MAGI2: variants seen among roughly 807,000 people sequenced by gnomAD.
MAGI2 encodes membrane associated guanylate kinase, WW and PDZ domain containing 2.
Under a neutral mutation model 133.3 loss-of-function variants are expected in MAGI2, and 35 were observed. The ratio of observed to expected loss-of-function variants is 0.26; its 90% CI spans 0.20 to 0.35. The LOEUF is 0.35. Among genes scored for constraint, MAGI2 ranks in the 10% least tolerant of loss-of-function variants. The probability of loss-of-function intolerance (pLI) is 1.00; values close to 1 mark genes in which losing one functional copy is unlikely to be tolerated. For synonymous variants in MAGI2, 729 were observed against 710.6 expected (o/e 1.03, Z -0.41); for missense variants, 1,636 against 1,863.4 (o/e 0.88, Z 2.25).
intron 20 of MAGI2, among the ~76,000 whole-genome samples, chr7:78,098,191 T>C (rs1468637241): frequency 6.6e-6 from 1 of 152,190 alleles, no homozygotes; most frequent in Admixed American, 6.5e-5. Flanking sequence ...CCTTGCATGC[T>C]TTCTGACTTT....
In MAGI2 at chr7:78,845,963, T is replaced by A. The variant is rs554150812; in HGVS notation, c.418+161127A>T. Among the ~76,000 whole-genome samples, 3 of 152,092 alleles carry A rather than the reference T, an allele frequency of 2.0e-5. No individual in the cohort carries two copies. The East Asian group carries it at 5.8e-4, about 29-fold the overall frequency. ...CAACAAAATGTGGCAAAGATACTTC[T>A]GGAAATTTTCAGGTAAAACCGTTGG... On this transcript the variant is annotated intron_variant, in intron 2 of 21. Coordinates refer to ENST00000354212, the MANE Select transcript of MAGI2 (RefSeq NM_012301.4).
chr7:79,314,128 C>T (rs1838519900), intron 1 of MAGI2, among the ~76,000 whole-genome samples: 1 of 152,184 alleles, frequency 6.6e-6, no homozygotes, highest in Admixed American at 6.6e-5. Context: ...TGCCCACCAC[C>T]ATGCCCAGCT....
chr7:78,245,137 A>G (rs1326679456), intron 10 of MAGI2, among the ~76,000 whole-genome samples: 1 of 152,260 alleles, frequency 6.6e-6, no homozygotes, highest in Non-Finnish European at 1.5e-5. Flanking sequence ...ATACAACACC[A>G]TGAAATGAAC....
intron 1 of MAGI2, among the ~76,000 whole-genome samples, chr7:79,026,804 G>A (rs1053424391): frequency 2.0e-5 from 3 of 151,912 alleles, no homozygotes; most frequent in Non-Finnish European, 4.4e-5. Flanking sequence ...GCCCCGAGAG[G>A]CGGAGGTTGC....
At chr7:78,320,973 C>A (rs542722195) in intron 9 of MAGI2, among the ~76,000 whole-genome samples, 1 of 152,050 alleles carries the variant, frequency 6.6e-6, no homozygotes, top group Non-Finnish European at 1.5e-5. Flanking sequence ...TTCCTATACA[C>A]CAATAACAAA....
intron 21 of MAGI2, among the ~76,000 whole-genome samples, chr7:78,038,679 G>T (rs1348798623): frequency 6.6e-6 from 1 of 152,210 alleles, no homozygotes; most frequent in Non-Finnish European, 1.5e-5. Flanking sequence ...TCACAATTTA[G>T]CCTGTGAGTT....
At chr7:79,429,177 T>G (rs1260673888) in intron 1 of MAGI2, among the ~76,000 whole-genome samples, 2 of 152,188 alleles carry the variant, frequency 1.3e-5, no homozygotes, top group Non-Finnish European at 2.9e-5. Flanking sequence ...CAGAACAGCT[T>G]TTGATCTTTT....
intron 2 of MAGI2, among the ~76,000 whole-genome samples, chr7:78,698,761 G>A (rs1212650132): frequency 6.6e-6 from 1 of 152,090 alleles, no homozygotes; most frequent in Non-Finnish European, 1.5e-5. Context: ...GTGGCAGTGC[G>A]AGAGAGAAGT....
intron 6 of MAGI2, among the ~76,000 whole-genome samples, chr7:78,402,346 CCACCTGGGGCGTATG>C (rs1230819884): frequency 0.03 from 1,301 of 43,078 alleles, 9 homozygotes; most frequent in Admixed American, 0.045. Flanking sequence ...GTGTGTGTGT[CCACCTGGGGCGTATG>C]TGTGTATCCA....
At chr7:78,699,792 T>C (rs1034257063) in intron 2 of MAGI2, among the ~76,000 whole-genome samples, 1 of 152,158 alleles carries the variant, frequency 6.6e-6, no homozygotes, top group Admixed American at 6.5e-5. Flanking sequence ...GTCTTTAGTT[T>C]GAAAGTCAAA....
At chr7:78,912,821 A>T (rs1208126414) in intron 2 of MAGI2, among the ~76,000 whole-genome samples, 22 of 122,400 alleles carry the variant, frequency 1.8e-4, no homozygotes, top group African/African-American at 7.3e-4. Context: ...TATCATTCAT[A>T]TATATATATA....
At chr7:78,650,329 A>C (rs964835457) in intron 2 of MAGI2, among the ~76,000 whole-genome samples, 1 of 152,176 alleles carries the variant, frequency 6.6e-6, no homozygotes, top group African/African-American at 2.4e-5. Context: ...CTGAACTTCC[A>C]GTCCAGGGGA....
In MAGI2 at chr7:78,043,467, G is replaced by C. The variant is rs149619302; in HGVS notation, c.3707-23491C>G. 1.6e-3 allele frequency among the ~76,000 whole-genome samples: 243 copies of C among 152,318 alleles called. 1 individual carries two copies. The highest frequency in any genetic ancestry group is 5.6e-3 in the African/African-American group (234 of 41,576). ...GAACATAGTTTTAGATTAATTTTTA[G>C]AAGTGCAGCTGCTCCCTTGACCTCT... On this transcript the variant is annotated intron_variant, in intron 21 of 21. Transcript: ENST00000354212.
At chr7:79,070,240 A>G (rs981636521) in intron 1 of MAGI2, among the ~76,000 whole-genome samples, 2 of 152,020 alleles carry the variant, frequency 1.3e-5, no homozygotes, top group African/African-American at 4.8e-5. Flanking sequence ...TTTCAGGTAC[A>G]TCAATCAAAC....
intron 2 of MAGI2, among the ~76,000 whole-genome samples, chr7:78,744,675 A>G (rs35696843): frequency 0.068 from 10,397 of 152,210 alleles, 395 homozygotes; most frequent in Admixed American, 0.11. Context: ...TTAATAGGTA[A>G]ATTTTTATTT....
chr7:78,210,466 TA>T (rs1031205205), intron 10 of MAGI2, among the ~76,000 whole-genome samples: 1 of 152,104 alleles, frequency 6.6e-6, no homozygotes, highest in African/African-American at 2.4e-5. Context: ...TTGGCTGAGA[TA>T]AAAAAAGAGG....
intron 2 of MAGI2, among the ~76,000 whole-genome samples, chr7:78,900,504 T>C (rs1020271468): frequency 6.6e-6 from 1 of 152,082 alleles, no homozygotes; most frequent in African/African-American, 2.4e-5. Flanking sequence ...TCCTTCACAC[T>C]TGCTCGGCCC....
At chr7:79,120,950 G>A (rs1329913065) in intron 1 of MAGI2, among the ~76,000 whole-genome samples, 1 of 151,928 alleles carries the variant, frequency 6.6e-6, no homozygotes, top group South Asian at 2.1e-4. Context: ...ATAAGTTTAG[G>A]GTTGCCAGAA....
chr7:78,081,706 G>T (rs1037257466), intron 20 of MAGI2, among the ~76,000 whole-genome samples: 7 of 152,148 alleles, frequency 4.6e-5, no homozygotes, highest in African/African-American at 1.7e-4. Flanking sequence ...TTATTTTAAA[G>T]GCAATGGCAA....
Sources: allele counts gnomAD v4.1 joint callset (sites outside exome capture counted in the v4.1 genomes callset), GRCh38; gene constraint gnomAD v4.1.1; transcripts MANE v1.5; gene names NCBI Gene and HGNC (gene_info 2026-07-23, HGNC 2026-07-21).